The following CEP350 variants were observed in gnomAD, a reference collection of about 807,000 sequenced individuals.
The protein encoded by CEP350 is centrosome-associated protein 350.
CEP350 carries 126 observed loss-of-function variants against 331.8 expected under a neutral mutation model. That is an observed-to-expected ratio of 0.38 (90% CI 0.33 to 0.44). CEP350 has a LOEUF of 0.44. Ranked by LOEUF, CEP350 falls within the 20% of genes least tolerant of loss-of-function variation. CEP350 has a pLI of 1.00. For synonymous variants in CEP350, 1,200 were observed against 1,259.5 expected (o/e 0.95, Z 1.00); for missense variants, 3,406 against 3,634.6 (o/e 0.94, Z 1.62).
At chr1:180,063,639 C>T (rs1343215661) in intron 26 of CEP350, among the ~76,000 whole-genome samples, 4 of 151,994 alleles carry the variant, frequency 2.6e-5, no homozygotes, top group Non-Finnish European at 5.9e-5. Context: ...GGGCGAAACT[C>T]CTAGCTCTAC....
intron 17 of CEP350, among the ~76,000 whole-genome samples, chr1:180,037,709 G>A (rs1167925707): frequency 6.6e-6 from 1 of 152,030 alleles, no homozygotes; most frequent in East Asian, 1.9e-4. Context: ...GAGTGCAGTG[G>A]CACGATCTCG....
chr1:180,080,401 C>T, intron 29 of CEP350, 116 bp from the exon 30 acceptor site: 1 of 881,602 alleles, frequency 1.1e-6, no homozygotes, highest in South Asian at 1.8e-5. Flanking sequence ...TATGTCTTAA[C>T]AGTTATCTTA....
intron 5 of CEP350, among the ~76,000 whole-genome samples, chr1:179,992,927 A>G (rs1653196487): frequency 6.6e-6 from 1 of 152,176 alleles, no homozygotes. Flanking sequence ...TTGGTGTTTT[A>G]AACACAAATC....
chr1:180,036,134 A>G (rs1193044902), intron 16 of CEP350, among the ~76,000 whole-genome samples: 1 of 152,234 alleles, frequency 6.6e-6, no homozygotes, highest in Non-Finnish European at 1.5e-5. Flanking sequence ...CAAGAGAACT[A>G]GAATTATAAT....
At position 180,062,320 on chromosome 1, in the gene CEP350, C is replaced by T; in HGVS notation, c.5363C>T (p.Thr1788Ile). 2 of 1,610,442 alleles carry T rather than the reference C, an allele frequency of 1.2e-6. No individual in the cohort carries two copies. Among genetic ancestry groups the T allele is most frequent in the Non-Finnish European group, 1.7e-6 (2 of 1,178,116 alleles). ...GAGATAGAAAAGATCCGACAGACCA[C>T]CATAAAACTACAGGAGAAATTGAAG... ...QEEIEKIRQT[T>I]IKLQEKLKSA... Residue 1788 changes from threonine (T) to isoleucine (I), a missense_variant, in exon 26 of 38, where the codon ACC (threonine) becomes ATC (isoleucine). Thr to Ile is a moderately conservative substitution (Grantham distance 89, BLOSUM62 -1). This residue lies in a region of CEP350 where 1,415 missense variants were observed against 1,512.3 expected (regional missense o/e 0.94). Transcript: ENST00000367607.
chr1:180,099,433 C>T (rs998216541), intron 37 of CEP350, among the ~76,000 whole-genome samples: 2 of 152,182 alleles, frequency 1.3e-5, no homozygotes, highest in African/African-American at 4.8e-5. Flanking sequence ...AGAATAGTTC[C>T]TCATATACAA....
At chr1:180,099,779 G>GTTT (rs1660692098) in intron 37 of CEP350, among the ~76,000 whole-genome samples, 1 of 116,506 alleles carries the variant, frequency 8.6e-6, no homozygotes, top group Non-Finnish European at 1.7e-5. Flanking sequence ...TGCCTTATTT[G>GTTT]ATTTTTTTTT....
chr1:180,019,964 A>G lies in CEP350; in HGVS notation c.2190A>G (p.Glu730=), dbSNP rs142510930. The change falls in exon 12 of 38, where the codon GAA becomes GAG. Residue 730 remains glutamate (E), a synonymous_variant. Transcript: ENST00000367607. Reference sequence around the variant, plus strand: ...TCATTTCCAGAAAAGACTTGATGGAATCTACATGGATGCAGCCTGAAAGAT... The same window carrying G: ...TCATTTCCAGAAAAGACTTGATGGAGTCTACATGGATGCAGCCTGAAAGAT... The part of the protein sequence containing the change: ...PQPLARKDLM[E]STWMQPERLS... 4.6e-5 allele frequency: 74 copies of G among 1,595,830 alleles called. No homozygotes were observed. Among genetic ancestry groups the G allele is most frequent in the African/African-American group, 4.2e-4 (31 of 74,018 alleles).
chr1:180,103,289 A>G (rs1660932536), intron 37 of CEP350, among the ~76,000 whole-genome samples: 1 of 152,140 alleles, frequency 6.6e-6, no homozygotes, highest in African/African-American at 2.4e-5. Context: ...TTCCACAGGT[A>G]GTTTTTTCTA....
chr1:180,101,925 C>T (rs537754549), intron 37 of CEP350, among the ~76,000 whole-genome samples: 2 of 152,302 alleles, frequency 1.3e-5, no homozygotes, highest in East Asian at 1.9e-4. Flanking sequence ...CTGCCACCCT[C>T]CAGGAACCTC....
chr1:180,054,640 C>G, intron 25 of CEP350, 138 bp downstream of exon 25: 1 of 638,970 alleles, frequency 1.6e-6, no homozygotes, highest in South Asian at 1.9e-5. Flanking sequence ...TATGTTCATA[C>G]TACTATAATT....
At chr1:179,974,299 C>G (rs1428577241) in intron 1 of CEP350, among the ~76,000 whole-genome samples, 1 of 152,170 alleles carries the variant, frequency 6.6e-6, no homozygotes, top group African/African-American at 2.4e-5. Context: ...CCAGGATGGT[C>G]TCGATCTCCT....
At chr1:179,986,327 A>T in intron 2 of CEP350, 73 bp downstream of exon 2, 13 of 932,252 alleles carry the variant, frequency 1.4e-5, no homozygotes, top group Non-Finnish European at 2.1e-5. Context: ...GGTCTAATAA[A>T]TGAAAATTAT....
intron 37 of CEP350, among the ~76,000 whole-genome samples, chr1:180,110,294 G>A (rs1334705623): frequency 1.3e-5 from 2 of 152,148 alleles, no homozygotes; most frequent in South Asian, 4.1e-4. Flanking sequence ...CATCACGATG[G>A]TATGAAAGCA....
intron 27 of CEP350, among the ~76,000 whole-genome samples, chr1:180,073,535 C>T (rs1309630688): frequency 3.3e-5 from 5 of 152,088 alleles, no homozygotes; most frequent in Non-Finnish European, 5.9e-5. Flanking sequence ...GTAAATTTAA[C>T]TGAAAATATA....
At chr1:180,047,208 G>A (rs578101838) in intron 21 of CEP350, among the ~76,000 whole-genome samples, 1 of 152,284 alleles carries the variant, frequency 6.6e-6, no homozygotes, top group Middle Eastern at 3.4e-3. Flanking sequence ...AGCATGTGCT[G>A]AGGATCCTAA....
chr1:179,960,118 G>A (rs892270093), intron 1 of CEP350, among the ~76,000 whole-genome samples: 1 of 152,072 alleles, frequency 6.6e-6, no homozygotes, highest in Non-Finnish European at 1.5e-5. Flanking sequence ...AGCCTGTCCC[G>A]GCAAGTAGGG....
rs1661594036 is a variant in CEP350, at chr1:180,114,642, T to C, written c.*3481T>C. 6.6e-6 allele frequency: 1 copy of C among 152,574 alleles called. No individual in the cohort carries two copies. Among genetic ancestry groups the C allele is most frequent in the South Asian group, 2.1e-4 (1 of 4,830 alleles). The allele number at this position is 152,574 out of a possible 1,614,324, so 9.5% of individuals were successfully genotyped here. On this transcript the variant is annotated 3_prime_UTR_variant, in exon 38 of 38. Coordinates refer to ENST00000367607, the MANE Select transcript of CEP350 (RefSeq NM_014810.5). ...TTGTGTGTACTGTACTGTGCAGACA[T>C]GAAAAAATAAACCCGTTTACTGTGT...
intron 11 of CEP350, among the ~76,000 whole-genome samples, chr1:180,019,407 TTAATAGGTTA>T (rs1179677295): frequency 2.6e-5 from 4 of 152,208 alleles, no homozygotes; most frequent in Non-Finnish European, 5.9e-5. Flanking sequence ...TTTACAAGTA[TTAATAGGTTA>T]TAATAACCTC....
Sources: gnomAD v4.1 joint callset for allele counts (sites outside exome capture counted in the v4.1 genomes callset) on GRCh38, gnomAD v4.1.1 for gene constraint, gnomAD v4.1.1 regional missense constraint, MANE v1.5 for transcripts, NCBI Gene and HGNC (gene_info 2026-07-23, HGNC 2026-07-21) for gene names.